CNTN4: variants seen among roughly 807,000 people sequenced by gnomAD.
CNTN4 encodes contactin 4.
CNTN4 carries 77 observed loss-of-function variants against 122.5 expected under a neutral mutation model. The ratio of observed to expected loss-of-function variants is 0.63; its 90% CI spans 0.52 to 0.76. The LOEUF is 0.76. Among genes scored for constraint, CNTN4 ranks in the 30% least tolerant of loss-of-function variants. CNTN4 has a pLI of 0.00. For missense variants in CNTN4, 1,256 were observed against 1,259.1 expected (o/e 1.00, Z 0.04); for synonymous variants, 512 against 447.0 (o/e 1.15, Z -1.83).
chr3:2,279,251 C>T (rs2041628980), intron 2 of CNTN4, among the ~76,000 whole-genome samples: 1 of 152,110 alleles, frequency 6.6e-6, no homozygotes, highest in Admixed American at 6.5e-5. Context: ...GGTGGAATCA[C>T]ACGTGTAACT....
intron 2 of CNTN4, among the ~76,000 whole-genome samples, chr3:2,306,069 A>C (rs2042694806): frequency 6.6e-6 from 1 of 152,096 alleles, no homozygotes; most frequent in African/African-American, 2.4e-5. Flanking sequence ...TATTTTTTGT[A>C]ATTATAAATA....
intron 13 of CNTN4, among the ~76,000 whole-genome samples, chr3:2,940,298 C>A (rs2094602264): frequency 1.3e-5 from 2 of 152,304 alleles, no homozygotes; most frequent in South Asian, 4.1e-4. Context: ...CAGTGGTCAA[C>A]AATGCCAGGT....
chr3:2,651,708 C>CTT (rs528994352), intron 4 of CNTN4, among the ~76,000 whole-genome samples: 7,394 of 142,996 alleles, frequency 0.052, 234 homozygotes, highest in South Asian at 0.091. Context: ...TCTTTTTTTT[C>CTT]TTTTTTTTTT....
At chr3:2,886,806 A>C (rs2093984408) in intron 9 of CNTN4, among the ~76,000 whole-genome samples, 1 of 152,118 alleles carries the variant, frequency 6.6e-6, no homozygotes, top group Non-Finnish European at 1.5e-5. Context: ...GAGCCATTGC[A>C]CCCTGCCAGA....
intron 4 of CNTN4, among the ~76,000 whole-genome samples, chr3:2,689,723 C>T (rs1516389): frequency 0.087 from 13,296 of 152,036 alleles, 1,187 homozygotes; most frequent in African/African-American, 0.23. Flanking sequence ...ATATAAGAGA[C>T]CTACATTTTT....
intron 6 of CNTN4, among the ~76,000 whole-genome samples, chr3:2,797,425 C>A (rs2092221179): frequency 6.6e-6 from 1 of 152,154 alleles, no homozygotes; most frequent in Non-Finnish European, 1.5e-5. Context: ...TGATGAAACC[C>A]TGTCTCTACT....
chr3:2,238,986 A>T (rs2039815501), intron 2 of CNTN4: 1 of 149,172 alleles, frequency 6.7e-6, no homozygotes, highest in Non-Finnish European at 1.5e-5. Context: ...CGGCCTCCCA[A>T]AGTGCTGGGA....
intron 2 of CNTN4, among the ~76,000 whole-genome samples, chr3:2,328,399 CCG>C (rs770774150): frequency 8.6e-5 from 13 of 152,006 alleles, no homozygotes; most frequent in Non-Finnish European, 1.8e-4. Context: ...GAGCGAGACT[CCG>C]TCTCAAAAAA....
chr3:3,050,922 A>G (rs1701204215), intron 23 of CNTN4, among the ~76,000 whole-genome samples: 1 of 152,176 alleles, frequency 6.6e-6, no homozygotes, highest in Admixed American at 6.5e-5. Flanking sequence ...GCCTTCCTTA[A>G]GAGGTTATCC....
chr3:2,562,697 T>G (rs1160636012), intron 3 of CNTN4, among the ~76,000 whole-genome samples: 6 of 152,042 alleles, frequency 3.9e-5, no homozygotes, highest in African/African-American at 1.4e-4. Flanking sequence ...ATGTGTCTTT[T>G]TTTTTTTAAT....
At chr3:2,522,223 C>T (rs184109572) in intron 3 of CNTN4, among the ~76,000 whole-genome samples, 1 of 149,824 alleles carries the variant, frequency 6.7e-6, no homozygotes, top group Non-Finnish European at 1.5e-5. Context: ...TACATTACTA[C>T]CAGTACAATA....
At chr3:2,324,758 T>C (rs2043394597) in intron 2 of CNTN4, among the ~76,000 whole-genome samples, 1 of 152,178 alleles carries the variant, frequency 6.6e-6, no homozygotes, top group East Asian at 1.9e-4. Context: ...TCTTCTGACC[T>C]AGGCACTTCT....
intron 3 of CNTN4, among the ~76,000 whole-genome samples, chr3:2,388,905 C>T (rs1018538486): frequency 1.1e-4 from 16 of 147,862 alleles, no homozygotes; most frequent in African/African-American, 3.9e-4. Context: ...CGCCTGTAAT[C>T]CCAGCACTTT....
intron 2 of CNTN4, among the ~76,000 whole-genome samples, chr3:2,179,655 C>G (rs534823414): frequency 1.5e-3 from 230 of 151,924 alleles, no homozygotes; most frequent in Non-Finnish European, 1.3e-3. Context: ...CTTATTTACA[C>G]TCAGTGTTTT....
intron 2 of CNTN4, among the ~76,000 whole-genome samples, chr3:2,249,087 A>T (rs1189810374): frequency 6.6e-6 from 1 of 151,918 alleles, no homozygotes; most frequent in East Asian, 1.9e-4. Context: ...ATATATTGAA[A>T]CATCACTATG....
chr3:2,852,280 C>G (rs557100513), intron 7 of CNTN4, among the ~76,000 whole-genome samples: 14 of 152,078 alleles, frequency 9.2e-5, no homozygotes, highest in African/African-American at 3.1e-4. Flanking sequence ...TTATTAGCTC[C>G]AAGAGATGAG....
intron 6 of CNTN4, among the ~76,000 whole-genome samples, chr3:2,797,514 C>T (rs2092224939): frequency 6.6e-6 from 1 of 152,162 alleles, no homozygotes; most frequent in Non-Finnish European, 1.5e-5. Flanking sequence ...AGGAGAATCA[C>T]TTAAACCTGG....
chr3:2,550,889 G>A (rs577556675), intron 3 of CNTN4, among the ~76,000 whole-genome samples: 2 of 152,186 alleles, frequency 1.3e-5, no homozygotes, highest in Admixed American at 1.3e-4. Context: ...TCATAAGTGG[G>A]AGTTGAACAA....
At chr3:2,594,256 A>C (rs560212444) in intron 4 of CNTN4, among the ~76,000 whole-genome samples, 1 of 152,182 alleles carries the variant, frequency 6.6e-6, no homozygotes, top group South Asian at 2.1e-4. Flanking sequence ...TTGAAATGTT[A>C]CTGATTAAGA....
Sources: gnomAD v4.1 joint callset for allele counts (sites outside exome capture counted in the v4.1 genomes callset) on GRCh38, gnomAD v4.1.1 for gene constraint, MANE v1.5 for transcripts, NCBI Gene and HGNC (gene_info 2026-07-23, HGNC 2026-07-21) for gene names.